Variants in AP3B2 observed in about 807,000 individuals in gnomAD.
AP3B2 encodes the protein adaptor related protein complex 3 subunit beta 2, also known as AP-3 complex subunit beta-2.
A neutral mutation model predicts 126.9 loss-of-function variants in AP3B2; 50 were observed. That is an observed-to-expected ratio of 0.39 (90% CI 0.31 to 0.50). The LOEUF (loss-of-function observed/expected upper bound fraction) is 0.50, where lower values mean the gene tolerates loss of function less well. AP3B2 is among the 20% of genes least tolerant of loss of function. AP3B2 has a pLI of 0.79. For synonymous variants in AP3B2, 541 were observed against 565.0 expected (o/e 0.96, Z 0.60); for missense variants, 1,177 against 1,426.4 (o/e 0.83, Z 2.82).
At chr15:82,704,061 G>A (rs575977804) in intron 1 of AP3B2, among the ~76,000 whole-genome samples, 1 of 152,254 alleles carries the variant, frequency 6.6e-6, no homozygotes, top group Non-Finnish European at 1.5e-5. Flanking sequence ...AGAGGTGGCT[G>A]GAGCTAAAGG....
At chr15:82,668,175 A>G (rs764129348) in intron 14 of AP3B2, among the ~76,000 whole-genome samples, 5 of 151,718 alleles carry the variant, frequency 3.3e-5, no homozygotes, top group Non-Finnish European at 7.4e-5. Context: ...GCCCCACACC[A>G]CTCTAGAGAG....
Position 82,680,393 on chromosome 15 carries a change from G to T in AP3B2, c.1055+79C>A, listed in dbSNP as rs891653130. The T allele has an allele frequency of 2.1e-6, 3 of 1,447,412 alleles. No homozygotes were observed. In the South Asian group the frequency reaches 4.2e-5, roughly 20 times the overall value. The allele number at this position is 1,447,412 out of a possible 1,614,324, so 89.7% of individuals were successfully genotyped here. A position where few individuals can be genotyped will look rare whatever the true frequency, so the allele number is the denominator to read the frequency against. On this transcript the variant is annotated intron_variant, in intron 8 of 26. Coordinates refer to ENST00000535359, the MANE Select transcript of AP3B2 (RefSeq NM_001278512.2). The surrounding 1 kb of genome is among the most constrained non-coding windows in gnomAD (Gnocchi z 6.1). ...GGGCAGAGGTGGAAGCGGCTGGTGG[G>T]CGTGAGGGGGCGGAGCCGGGCAGCC... is the stretch of plus-strand genomic sequence containing the variant.
At position 82,665,075 on chromosome 15, in the gene AP3B2, G is replaced by A. The variant is rs2048028205; in HGVS notation, c.2029-132C>T. On this transcript the variant is annotated intron_variant, in intron 17 of 26. Coordinates refer to ENST00000535359, the MANE Select transcript of AP3B2 (RefSeq NM_001278512.2). The surrounding 1 kb of genome is among the most constrained non-coding windows in gnomAD (Gnocchi z 4.4). ...TCTGTCCCACAAAGGGAATAACAGAGGAGGAAGAAAGGGGCACTGTCCATG... is the reference window on the plus strand; with the variant it reads ...TCTGTCCCACAAAGGGAATAACAGAAGAGGAAGAAAGGGGCACTGTCCATG... 2.9e-6 allele frequency: 3 copies of A among 1,032,874 alleles called. No individual in the cohort carries two copies. The highest frequency in any genetic ancestry group is 4.3e-6 in the Non-Finnish European group (3 of 694,744). 64.0% of individuals were successfully genotyped at this position (1,032,874 alleles called of 1,614,324 possible).
At position 82,677,388 on chromosome 15, in the gene AP3B2, A is replaced by G. The variant is rs1422425121; in HGVS notation, c.1379-5T>C. 1.9e-6 allele frequency: 3 copies of G among 1,613,002 alleles called. No individual in the cohort carries two copies. Among genetic ancestry groups the G allele is most frequent in the East Asian group, 2.2e-5 (1 of 44,878 alleles). ...CTGACTCTGCAACCACAAGCTCTAC[A>G]GAACAAAAATGAGTGTGTGGACCCC... On this transcript the variant is annotated splice_region_variant and splice_polypyrimidine_tract_variant and intron_variant, in intron 12 of 26. Transcript: ENST00000535359.
Position 82,682,047 on chromosome 15 carries a change from C to CTTTTTTTT in AP3B2, c.361-475_361-468dup, listed in dbSNP as rs769028602. On this transcript the variant is annotated intron_variant, in intron 4 of 26. Coordinates refer to ENST00000535359, the MANE Select transcript of AP3B2 (RefSeq NM_001278512.2). ...AACAAAATAGGGGTGTAGGCCCTTC[C>CTTTTTTTT]TTTTTTTTTTTTTTTTTTTTTTTGA... Among the ~76,000 whole-genome samples the CTTTTTTTT allele has an allele frequency of 2.3e-3, 187 of 79,918 alleles. 14 individuals are homozygous for CTTTTTTTT. The highest frequency in any genetic ancestry group is 8.9e-3 in the African/African-American group (162 of 18,196). 52.4% of individuals were successfully genotyped at this position (79,918 alleles called of 152,430 possible). A position where few individuals can be genotyped will look rare whatever the true frequency, so the allele number is the denominator to read the frequency against.
In AP3B2 at chr15:82,663,200, G is replaced by A; in HGVS notation, c.2531C>T (p.Pro844Leu). The change falls in exon 22 of 27, where the codon CCA becomes CTA. Residue 844 changes from proline to leucine, a missense_variant. Transcript: ENST00000535359. ...AGCCAGACTGGTAGACACAATTGCTGGGGGAGACACAGGCTGGACACTGGG... is the reference window on the plus strand; with the variant it reads ...AGCCAGACTGGTAGACACAATTGCTAGGGGAGACACAGGCTGGACACTGGG... The part of the protein sequence containing the change: ...TPPSVQPVSP[P>L]AIVSTSLAAD... 6.2e-7 allele frequency: 1 copy of A among 1,613,106 alleles called. No homozygotes were observed. The highest frequency in any genetic ancestry group is 8.5e-7 in the Non-Finnish European group (1 of 1,179,726).
At chr15:82,671,727 G>A (rs1365500164) in intron 14 of AP3B2, among the ~76,000 whole-genome samples, 2 of 143,022 alleles carry the variant, frequency 1.4e-5, no homozygotes, top group African/African-American at 5.1e-5. Flanking sequence ...GGAAAAAAGA[G>A]TGAAACACCA....
intron 1 of AP3B2, among the ~76,000 whole-genome samples, chr15:82,695,384 C>A (rs1375450432): frequency 2.0e-5 from 3 of 152,140 alleles, no homozygotes; most frequent in African/African-American, 4.8e-5. Context: ...TAGGCGTGAG[C>A]TGCTGTGCCC....
chr15:82,659,806 C>T, intron 26 of AP3B2, 39 bp downstream of exon 26: 1 of 1,610,624 alleles, frequency 6.2e-7, no homozygotes, highest in South Asian at 1.1e-5. Flanking sequence ...AACCAGGGCC[C>T]CCATGCTCAT....
chr15:82,667,068 T>C, intron 14 of AP3B2, 135 bp from the exon 15 acceptor site: 1 of 857,014 alleles, frequency 1.2e-6, no homozygotes. Flanking sequence ...TCCACCCAGC[T>C]GTCCCTCCCC....
Position 82,664,066 on chromosome 15 carries a change from G to A in AP3B2, c.2262-91C>T. 6.7e-7 allele frequency: 1 copy of A among 1,490,700 alleles called. No individual in the cohort carries two copies. The highest frequency in any genetic ancestry group is 2.2e-5 in the Admixed American group (1 of 46,024). The allele number at this position is 1,490,700 out of a possible 1,614,324, so 92.3% of individuals were successfully genotyped here. A position where few individuals can be genotyped will look rare whatever the true frequency, so the allele number is the denominator to read the frequency against. ...GGAGAAATGCTGAAAAGCTGGAGTG[G>A]TGTGGGGAGCCTGAGCCAGGAGGGT... On this transcript the variant is annotated intron_variant, in intron 19 of 26. Transcript: ENST00000535359. This position sits in a 1 kb window ranked among gnomAD's most constrained non-coding sequence, Gnocchi z 4.5.
chr15:82,666,606 G>A (rs2048063677), intron 15 of AP3B2, 141 bp downstream of exon 15: 4 of 889,174 alleles, frequency 4.5e-6, no homozygotes, highest in Non-Finnish European at 6.7e-6. Context: ...CCACAGGAGG[G>A]ACAAAAGGAG....
intron 10 of AP3B2, among the ~76,000 whole-genome samples, chr15:82,678,602 C>G (rs573015998): frequency 6.6e-6 from 1 of 152,212 alleles, no homozygotes; most frequent in Non-Finnish European, 1.5e-5. Flanking sequence ...CTGCGTGGAG[C>G]AGTTCTTCCC....
intron 1 of AP3B2, among the ~76,000 whole-genome samples, chr15:82,695,554 A>T (rs2048617671): frequency 6.6e-6 from 1 of 152,130 alleles, no homozygotes; most frequent in South Asian, 2.1e-4. Flanking sequence ...ACTGTGGAAC[A>T]TGTGAAGGTG....
Position 82,664,624 on chromosome 15 carries a change from C to T in AP3B2, c.2138-134G>A, listed in dbSNP as rs2048019511. On this transcript the variant is annotated intron_variant, in intron 18 of 26. Coordinates refer to ENST00000535359, the MANE Select transcript of AP3B2 (RefSeq NM_001278512.2). This position sits in a 1 kb window ranked among gnomAD's most constrained non-coding sequence, Gnocchi z 4.5. ...CTGACCTGCCCCCAGCCCTACATGC[C>T]AGCTGGAACTGACAGAAACACAGAT... is the stretch of plus-strand genomic sequence containing the variant. The T allele has an allele frequency of 8.2e-7, 1 of 1,226,734 alleles. No homozygotes were observed. Among genetic ancestry groups the T allele is most frequent in the East Asian group, 2.6e-5 (1 of 39,156 alleles). 76.0% of individuals were successfully genotyped at this position (1,226,734 alleles called of 1,614,324 possible).
intron 23 of AP3B2, 187 bp from the exon 24 acceptor site, chr15:82,662,439 C>T: frequency 1.5e-6 from 1 of 647,336 alleles, no homozygotes; most frequent in Non-Finnish European, 2.7e-6. Flanking sequence ...CTTTCCCCCA[C>T]TCACCCTCAC....
chr15:82,699,560 G>GGCTGA, intron 1 of AP3B2: 1 of 399,330 alleles, frequency 2.5e-6, no homozygotes, highest in Non-Finnish European at 4.4e-6. Flanking sequence ...AAGAGGTCTG[G>GGCTGA]GCTGAGAGTG....
At chr15:82,688,453 G>C (rs954026560) in intron 4 of AP3B2, 2 of 691,952 alleles carry the variant, frequency 2.9e-6, no homozygotes, top group Non-Finnish European at 5.2e-6. Context: ...TCCACTCTCC[G>C]GGGGCTCAAG....
At chr15:82,696,522 G>C (rs1056670187) in intron 1 of AP3B2, among the ~76,000 whole-genome samples, 9 of 152,200 alleles carry the variant, frequency 5.9e-5, no homozygotes, top group African/African-American at 2.2e-4. Context: ...AGATTGCAGT[G>C]AGCCGAGATC....
Sources: allele counts gnomAD v4.1 joint callset (sites outside exome capture counted in the v4.1 genomes callset), GRCh38; gene constraint gnomAD v4.1.1; non-coding constraint Gnocchi (gnomAD v3.1); transcripts MANE v1.5; gene names NCBI Gene and HGNC (gene_info 2026-07-23, HGNC 2026-07-21).